Variants in GRXCR2 observed in about 807,000 individuals in gnomAD.
GRXCR2 encodes glutaredoxin domain-containing cysteine-rich protein 2.
A neutral mutation model predicts 24.8 loss-of-function variants in GRXCR2; 23 were observed. The observed-to-expected ratio is 0.93, with a 90% CI of 0.67 to 1.32. The LOEUF (loss-of-function observed/expected upper bound fraction) is 1.32. GRXCR2 is among the 40% of genes most tolerant of loss of function. The probability of loss-of-function intolerance (pLI) is 0.00; values close to 1 mark genes in which losing one functional copy is unlikely to be tolerated. For missense variants in GRXCR2, 315 were observed against 303.4 expected (o/e 1.04, Z -0.28); for synonymous variants, 130 against 116.1 (o/e 1.12, Z -0.77).
intron 2 of GRXCR2, among the ~76,000 whole-genome samples, chr5:145,913,766 G>T (rs190068409): frequency 6.6e-6 from 1 of 152,058 alleles, no homozygotes; most frequent in Admixed American, 6.6e-5. Context: ...CAAGTGATCC[G>T]TCTGCTTCAG....
chr5:145,913,548 A>G (rs769241456), intron 2 of GRXCR2, among the ~76,000 whole-genome samples: 4 of 152,244 alleles, frequency 2.6e-5, no homozygotes, highest in Non-Finnish European at 4.4e-5. Context: ...TATGCTGGAT[A>G]AATTTAGCTT....
At chr5:145,907,814 G>A (rs1266913992) in intron 2 of GRXCR2, among the ~76,000 whole-genome samples, 1 of 152,180 alleles carries the variant, frequency 6.6e-6, no homozygotes, top group East Asian at 1.9e-4. Flanking sequence ...ATTTTTGCTT[G>A]AGTGCCTCAA....
At chr5:145,900,270 T>G (rs992805350) in intron 2 of GRXCR2, among the ~76,000 whole-genome samples, 1 of 152,040 alleles carries the variant, frequency 6.6e-6, no homozygotes, top group Non-Finnish European at 1.5e-5. Flanking sequence ...TGTGTAGCAC[T>G]TCCCCCTTCA....
chr5:145,863,782 C>T (rs145154775), intron 2 of GRXCR2, among the ~76,000 whole-genome samples: 29 of 152,252 alleles, frequency 1.9e-4, no homozygotes, highest in South Asian at 6.2e-4. Context: ...CTACCACACC[C>T]GGCCCAGGCT....
chr5:145,886,757 A>AATT (rs1231436790), intron 2 of GRXCR2, among the ~76,000 whole-genome samples: 1 of 152,204 alleles, frequency 6.6e-6, no homozygotes, highest in Admixed American at 6.5e-5. Context: ...TGAGAAAGCA[A>AATT]AAATATACAG....
chr5:145,861,970 G>C (rs187616908), intron 2 of GRXCR2, among the ~76,000 whole-genome samples: 1 of 152,104 alleles, frequency 6.6e-6, no homozygotes, highest in South Asian at 2.1e-4. Flanking sequence ...GTACCCTTTC[G>C]TTAATATTTT....
At chr5:145,877,231 A>T (rs1333959352), upstream of GRXCR2, among the ~76,000 whole-genome samples, 1 of 152,184 alleles carries the variant, frequency 6.6e-6, no homozygotes, top group Non-Finnish European at 1.5e-5. Context: ...AATAGCAATG[A>T]CACAATATGA....
intron 1 of GRXCR2, 99 bp from the exon 2 acceptor site, chr5:145,866,827 C>A (rs1756446065): frequency 2.8e-6 from 2 of 720,928 alleles, no homozygotes; most frequent in South Asian, 1.8e-5. Flanking sequence ...AGAGAAGGAA[C>A]TTCTACCACC....
At position 145,879,108 on chromosome 5, in the gene GRXCR2, A is replaced by T. The variant is rs1309660387; in HGVS notation, c.-69-12380T>A. On this transcript the variant is annotated intron_variant, in intron 2 of 3. Transcript: ENST00000639411. ...AAAAACATGCCAAATTGTAAAGACCATCAATGCTATGAAGAAACTGCATCA... is the reference window on the plus strand; with the variant it reads ...AAAAACATGCCAAATTGTAAAGACCTTCAATGCTATGAAGAAACTGCATCA... Among the ~76,000 whole-genome samples the T allele has an allele frequency of 2.0e-5, 3 of 152,226 alleles. 1 individual carries two copies. The South Asian group carries it at 6.2e-4, about 32-fold the overall frequency.
chr5:145,885,890 A>G (rs6867850), intron 2 of GRXCR2, among the ~76,000 whole-genome samples: 36,899 of 152,040 alleles, frequency 0.24, 5,105 homozygotes, highest in East Asian at 0.62. Context: ...CATGTTCTAC[A>G]TAAGAAAAAG....
chr5:145,865,896 G>C (rs1298560525), intron 2 of GRXCR2, among the ~76,000 whole-genome samples: 8 of 152,084 alleles, frequency 5.3e-5, no homozygotes. Flanking sequence ...CCAGCACTTT[G>C]GGAGGCCGAG....
chr5:145,918,153 G>A (rs773755332), intron 2 of GRXCR2, among the ~76,000 whole-genome samples: 17 of 152,136 alleles, frequency 1.1e-4, no homozygotes, highest in Non-Finnish European at 2.5e-4. Flanking sequence ...TCAGTTGAAT[G>A]CTGGTATTCC....
intron 2 of GRXCR2, among the ~76,000 whole-genome samples, chr5:145,918,687 A>G (rs1310746890): frequency 6.6e-6 from 1 of 152,160 alleles, no homozygotes; most frequent in Non-Finnish European, 1.5e-5. Flanking sequence ...CCACCTGTGT[A>G]ACTGTAGTCC....
chr5:145,869,792 C>T (rs958425593), intron 1 of GRXCR2, among the ~76,000 whole-genome samples: 2 of 152,144 alleles, frequency 1.3e-5, no homozygotes, highest in African/African-American at 4.8e-5. Context: ...CTCCTGACCT[C>T]GTGATCTGCC....
chr5:145,867,993 G>C (rs530145373), intron 1 of GRXCR2, among the ~76,000 whole-genome samples: 1 of 152,046 alleles, frequency 6.6e-6, no homozygotes. Context: ...CCAAGTCTCA[G>C]TACTCTTCTC....
At chr5:145,907,726 A>G (rs1458600386) in intron 2 of GRXCR2, among the ~76,000 whole-genome samples, 1 of 152,146 alleles carries the variant, frequency 6.6e-6, no homozygotes, top group East Asian at 1.9e-4. Flanking sequence ...CCTGGAAGAA[A>G]GAGAGAAGTG....
At chr5:145,915,861 T>C (rs1316682485) in intron 2 of GRXCR2, among the ~76,000 whole-genome samples, 1 of 152,158 alleles carries the variant, frequency 6.6e-6, no homozygotes, top group African/African-American at 2.4e-5. Flanking sequence ...AAGAGTCAGC[T>C]CATGGGTACC....
chr5:145,912,166 C>G (rs1014740090), intron 2 of GRXCR2, among the ~76,000 whole-genome samples: 1 of 152,188 alleles, frequency 6.6e-6, no homozygotes, highest in African/African-American at 2.4e-5. Context: ...TGAGTGCCAG[C>G]TTTGCTCCAG....
chr5:145,917,159 G>C (rs914244710), intron 2 of GRXCR2, among the ~76,000 whole-genome samples: 1 of 149,628 alleles, frequency 6.7e-6, no homozygotes, highest in Admixed American at 6.7e-5. Flanking sequence ...TGTCAAGATG[G>C]ACACGTTCTC....
Sources: gnomAD v4.1 joint callset for allele counts (sites outside exome capture counted in the v4.1 genomes callset) on GRCh38, gnomAD v4.1.1 for gene constraint, MANE v1.5 for transcripts, NCBI Gene and HGNC (gene_info 2026-07-23, HGNC 2026-07-21) for gene names.